The following WNT3A variants were observed in gnomAD, a reference collection of about 807,000 sequenced individuals.
WNT3A encodes Wnt family member 3A.
WNT3A carries 17 observed loss-of-function variants against 37.0 expected under a neutral mutation model. The ratio of observed to expected loss-of-function variants is 0.46; its 90% CI spans 0.31 to 0.69. WNT3A has a LOEUF of 0.69. Among genes scored for constraint, WNT3A ranks in the 30% least tolerant of loss-of-function variants. The pLI is 0.05. For synonymous variants in WNT3A, 187 were observed against 211.0 expected (o/e 0.89, Z 0.99); for missense variants, 411 against 510.2 (o/e 0.81, Z 1.87).
At chr1:228,045,949 C>A (rs750069931) in intron 2 of WNT3A, among the ~76,000 whole-genome samples, 1 of 152,164 alleles carries the variant, frequency 6.6e-6, no homozygotes. Flanking sequence ...ACAGTCCCTG[C>A]CCCTAGGCAG....
At chr1:228,045,080 C>A (rs1232264158) in intron 2 of WNT3A, among the ~76,000 whole-genome samples, 1 of 152,228 alleles carries the variant, frequency 6.6e-6, no homozygotes, top group African/African-American at 2.4e-5. Flanking sequence ...CAAGTGGAAG[C>A]CCTCAGCACC....
At position 228,039,596 on chromosome 1, in the gene WNT3A, C is replaced by T. The variant is rs1023744128; in HGVS notation, c.314-11060C>T. 1.3e-5 allele frequency among the ~76,000 whole-genome samples: 2 copies of T among 152,172 alleles called. No homozygotes were observed. The highest frequency in any genetic ancestry group is 2.9e-5 in the Non-Finnish European group (2 of 68,026). ...TCACAGCCCAGAGGAGGGGTCAGCA[C>T]GGAATGGAATCTGAGCTTGGGAGAT... On this transcript the variant is annotated intron_variant, in intron 2 of 3. Transcript: ENST00000284523. This position sits in a 1 kb window ranked among gnomAD's most constrained non-coding sequence, Gnocchi z 4.1.
rs2031173670 is a variant in WNT3A, at chr1:228,037,537, G to C, written c.314-13119G>C. 1.3e-5 allele frequency among the ~76,000 whole-genome samples: 2 copies of C among 151,864 alleles called. No homozygotes were observed. The highest frequency in any genetic ancestry group is 2.1e-4 in the South Asian group (1 of 4,818). On this transcript the variant is annotated intron_variant, in intron 2 of 3. Coordinates refer to ENST00000284523, the MANE Select transcript of WNT3A (RefSeq NM_033131.4). This position sits in a 1 kb window ranked among gnomAD's most constrained non-coding sequence, Gnocchi z 4.1. Reference sequence around the variant, plus strand: ...TGTGTGTCCCCTGCCTATGAGGGCCGGCACAGGGGTGGGGCCTGCCTGCTA... The same window carrying C: ...TGTGTGTCCCCTGCCTATGAGGGCCCGCACAGGGGTGGGGCCTGCCTGCTA...
chr1:228,007,070 C>T lies in WNT3A; in HGVS notation c.-59C>T. The T allele has an allele frequency of 1.5e-6, 2 of 1,375,604 alleles. No individual in the cohort carries two copies. Among genetic ancestry groups the T allele is most frequent in the East Asian group, 3.3e-5 (1 of 30,766 alleles). 85.2% of individuals were successfully genotyped at this position (1,375,604 alleles called of 1,614,324 possible). Reference sequence around the variant, plus strand: ...CGCGCCAGCTCCCAGGGCCCGGCCCCCCCCGGCGCTCACGCTCTCGGGGCG... The same window carrying T: ...CGCGCCAGCTCCCAGGGCCCGGCCCTCCCCGGCGCTCACGCTCTCGGGGCG... On this transcript the variant is annotated 5_prime_UTR_variant, in exon 1 of 4. Transcript: ENST00000284523. The surrounding 1 kb of genome is among the most constrained non-coding windows in gnomAD (Gnocchi z 6.0).
intron 2 of WNT3A, among the ~76,000 whole-genome samples, chr1:228,028,363 G>A (rs997367828): frequency 4.1e-5 from 6 of 147,768 alleles, no homozygotes; most frequent in East Asian, 2.0e-4. Context: ...GAGTGATCTC[G>A]GCTCACTGCA....
chr1:228,040,822 C>T (rs960496706), intron 2 of WNT3A, among the ~76,000 whole-genome samples: 4 of 149,538 alleles, frequency 2.7e-5, no homozygotes, highest in African/African-American at 9.9e-5. Context: ...GGACGTGGAG[C>T]TTGCAGTGAG....
chr1:228,033,152 C>G (rs2031051508), intron 2 of WNT3A, among the ~76,000 whole-genome samples: 1 of 152,108 alleles, frequency 6.6e-6, no homozygotes, highest in Non-Finnish European at 1.5e-5. Context: ...TGATGGTGTC[C>G]TTTGATACAT....
chr1:228,051,861 G>A (rs1159739094), intron 3 of WNT3A, among the ~76,000 whole-genome samples: 1 of 152,134 alleles, frequency 6.6e-6, no homozygotes, highest in African/African-American at 2.4e-5. Context: ...GGCCAGAGCA[G>A]GAGCAAGGAA....
At chr1:228,012,767 C>G (rs995658940) in intron 1 of WNT3A, among the ~76,000 whole-genome samples, 9 of 152,120 alleles carry the variant, frequency 5.9e-5, no homozygotes, top group African/African-American at 2.2e-4. Flanking sequence ...CTGGTTCTGG[C>G]TCCCAAAGAG....
In WNT3A at chr1:228,007,944, C is replaced by T. The variant is rs1056545358; in HGVS notation, c.71+745C>T. Among the ~76,000 whole-genome samples the T allele has an allele frequency of 2.0e-5, 3 of 152,194 alleles. No individual in the cohort carries two copies. Among genetic ancestry groups the T allele is most frequent in the Admixed American group, 6.5e-5 (1 of 15,276 alleles). On this transcript the variant is annotated intron_variant, in intron 1 of 3. Coordinates refer to ENST00000284523, the MANE Select transcript of WNT3A (RefSeq NM_033131.4). The surrounding 1 kb of genome is among the most constrained non-coding windows in gnomAD (Gnocchi z 6.0). ...TCAGAAAGCGCTGTGCTGCGCCCTCCACACCAGAAAAGGCGCGTTCCGTGA... is the reference window on the plus strand; with the variant it reads ...TCAGAAAGCGCTGTGCTGCGCCCTCTACACCAGAAAAGGCGCGTTCCGTGA...
At chr1:228,012,342 A>G (rs931165062) in intron 1 of WNT3A, among the ~76,000 whole-genome samples, 1 of 152,262 alleles carries the variant, frequency 6.6e-6, no homozygotes, top group Non-Finnish European at 1.5e-5. Flanking sequence ...GCCACCTGCC[A>G]TGAAGAAATC....
At chr1:228,012,589 A>G (rs771438232) in intron 1 of WNT3A, among the ~76,000 whole-genome samples, 53 of 152,234 alleles carry the variant, frequency 3.5e-4, no homozygotes, top group Non-Finnish European at 5.0e-4. Context: ...TTTTTGACCC[A>G]AACGTGAGAC....
intron 1 of WNT3A, among the ~76,000 whole-genome samples, chr1:228,013,104 G>C (rs1483637279): frequency 6.6e-6 from 1 of 152,138 alleles, no homozygotes; most frequent in Non-Finnish European, 1.5e-5. Context: ...TCTCTCTCTA[G>C]AAGAAACCAT....
At chr1:228,012,206 G>A (rs1349140095) in intron 1 of WNT3A, among the ~76,000 whole-genome samples, 1 of 152,226 alleles carries the variant, frequency 6.6e-6, no homozygotes, top group Admixed American at 6.5e-5. Flanking sequence ...TGTGAGGAGG[G>A]AAGCTCCGGT....
intron 3 of WNT3A, among the ~76,000 whole-genome samples, chr1:228,054,536 G>A (rs1257269393): frequency 1.3e-5 from 2 of 150,834 alleles, no homozygotes; most frequent in African/African-American, 2.4e-5. Context: ...GCCGAGGCAG[G>A]AGAATGGCGT....
rs61602482 is a variant in WNT3A at position 228,033,068 on chromosome 1, G to C, written c.313+10160G>C. On this transcript the variant is annotated intron_variant, in intron 2 of 3. Coordinates refer to ENST00000284523, the MANE Select transcript of WNT3A (RefSeq NM_033131.4). Reference sequence around the variant, plus strand: ...GTTGTAAGAGTGCTTTATATAGTCTGCTTACAAGTCCCTTATCCAATACAT... The same window carrying C: ...GTTGTAAGAGTGCTTTATATAGTCTCCTTACAAGTCCCTTATCCAATACAT... 7.9e-5 allele frequency among the ~76,000 whole-genome samples: 12 copies of C among 152,270 alleles called. No individual in the cohort carries two copies. The East Asian group carries it at 2.3e-3, about 29-fold the overall frequency.
intron 2 of WNT3A, among the ~76,000 whole-genome samples, chr1:228,028,343 G>T (rs1164539177): frequency 6.7e-6 from 1 of 148,224 alleles, no homozygotes; most frequent in African/African-American, 2.5e-5. Flanking sequence ...GCCTAGGCTG[G>T]AGTACAGTGG....
intron 1 of WNT3A, among the ~76,000 whole-genome samples, chr1:228,012,278 G>T (rs972539635): frequency 6.6e-6 from 1 of 152,210 alleles, no homozygotes; most frequent in Non-Finnish European, 1.5e-5. Context: ...CAGGGACCCC[G>T]TTGGGGCTTC....
intron 2 of WNT3A, among the ~76,000 whole-genome samples, chr1:228,047,586 G>A (rs148649995): frequency 3.7e-4 from 56 of 152,316 alleles, no homozygotes; most frequent in African/African-American, 1.2e-3. Flanking sequence ...CCACATGCCT[G>A]TGTCCCTGAG....
Sources: allele counts gnomAD v4.1 joint callset (sites outside exome capture counted in the v4.1 genomes callset), GRCh38; gene constraint gnomAD v4.1.1; non-coding constraint Gnocchi (gnomAD v3.1); transcripts MANE v1.5; gene names NCBI Gene and HGNC (gene_info 2026-07-23, HGNC 2026-07-21).